COL12A1: variants seen among roughly 807,000 people sequenced by gnomAD.
COL12A1 encodes the protein collagen alpha-1(XII) chain.
A neutral mutation model predicts 349.7 loss-of-function variants in COL12A1; 114 were observed. That is an observed-to-expected ratio of 0.33 (90% CI 0.28 to 0.38). The LOEUF (loss-of-function observed/expected upper bound fraction) is 0.38, where lower values mean the gene tolerates loss of function less well. COL12A1 is among the 10% of genes least tolerant of loss of function. COL12A1 has a pLI of 1.00. For synonymous variants in COL12A1, 1,369 were observed against 1,329.0 expected (o/e 1.03, Z -0.66); for missense variants, 3,284 against 3,756.9 (o/e 0.87, Z 3.29).
chr6:75,094,837 T>C (rs1767930519), intron 60 of COL12A1, among the ~76,000 whole-genome samples: 2 of 152,218 alleles, frequency 1.3e-5, no homozygotes, highest in Admixed American at 6.5e-5. Flanking sequence ...TGAGTGTTTA[T>C]ACAGCGCAGA....
intron 6 of COL12A1, 42 bp from the exon 7 acceptor site, chr6:75,189,423 A>C: frequency 6.3e-7 from 1 of 1,589,446 alleles, no homozygotes; most frequent in Non-Finnish European, 8.5e-7. Flanking sequence ...TGTACTACAC[A>C]ATTTTTCCAA....
At chr6:75,105,959 A>G (rs1023309207) in intron 53 of COL12A1, among the ~76,000 whole-genome samples, 14 of 152,182 alleles carry the variant, frequency 9.2e-5, no homozygotes, top group Non-Finnish European at 7.3e-5. Context: ...GCTGGCCAAA[A>G]GCTTCAAATC....
At chr6:75,106,936 CTG>C (rs1490169274) in intron 52 of COL12A1, among the ~76,000 whole-genome samples, 32 of 129,762 alleles carry the variant, frequency 2.5e-4, no homozygotes, top group Admixed American at 8.9e-4. Context: ...GAGTCCCACT[CTG>C]TTGCCCAGGT....
chr6:75,116,832 T>C (rs1769107648), intron 47 of COL12A1, among the ~76,000 whole-genome samples: 1 of 152,150 alleles, frequency 6.6e-6, no homozygotes, highest in African/African-American at 2.4e-5. Flanking sequence ...CTCCATAACC[T>C]ATACCCCAAG....
At chr6:75,188,318 A>G (rs1769739537) in intron 8 of COL12A1, 44 bp downstream of exon 8, 1 of 1,549,336 alleles carries the variant, frequency 6.5e-7, no homozygotes, top group African/African-American at 1.4e-5. Context: ...TACTCAAACA[A>G]TGGAAAAGAC....
At chr6:75,125,510 G>T (rs1267008009) in intron 39 of COL12A1, among the ~76,000 whole-genome samples, 1 of 152,090 alleles carries the variant, frequency 6.6e-6, no homozygotes, top group Non-Finnish European at 1.5e-5. Context: ...AATATAGTAG[G>T]TATATAATCA....
At chr6:75,143,120 A>G (rs1766995377) in intron 26 of COL12A1, 132 bp downstream of exon 26, 1 of 1,018,556 alleles carries the variant, frequency 9.8e-7, no homozygotes, top group African/African-American at 1.6e-5. Context: ...TATTAATATC[A>G]CAAGTTTTCA....
rs771717015 is a variant in COL12A1 at position 75,138,551 on chromosome 6, C to T, written c.5127G>A (p.Leu1709=). The T allele has an allele frequency of 1.2e-6, 2 of 1,613,836 alleles. No homozygotes were observed. Among genetic ancestry groups the T allele is most frequent in the Non-Finnish European group, 1.7e-6 (2 of 1,179,900 alleles). The change falls in exon 29 of 66, where the codon TTG becomes TTA. Residue 1709 remains leucine, a synonymous_variant. Coordinates refer to ENST00000322507, the MANE Select transcript of COL12A1 (RefSeq NM_004370.6). ...ETILNGDENT[L]VFENLNPNTI... ...TGTTGGGGTTCAGGTTTTCGAACAC[C>T]AAAGTGTTTTCATCTCCATTTAAGA...
At chr6:75,156,219 C>A (rs1167194275) in intron 15 of COL12A1, 38 bp downstream of exon 15, 1 of 1,389,504 alleles carries the variant, frequency 7.2e-7, no homozygotes, top group African/African-American at 1.4e-5. Flanking sequence ...TAAAACATTA[C>A]CTTCTCTCCC....
At chr6:75,136,112 G>A (rs1003133566) in intron 31 of COL12A1, among the ~76,000 whole-genome samples, 1 of 152,108 alleles carries the variant, frequency 6.6e-6, no homozygotes, top group Non-Finnish European at 1.5e-5. Flanking sequence ...AGAGACTTAG[G>A]AGAAGCAGCT....
chr6:75,176,412 T>C (rs1298384229), intron 12 of COL12A1, among the ~76,000 whole-genome samples: 13 of 118,156 alleles, frequency 1.1e-4, no homozygotes, highest in African/African-American at 3.7e-4. Flanking sequence ...AGTGATGCAG[T>C]GGGAGGAGGG....
intron 12 of COL12A1, 152 bp downstream of exon 12, chr6:75,177,511 A>G (rs528186457): frequency 1.2e-6 from 1 of 806,140 alleles, no homozygotes; most frequent in East Asian, 2.9e-5. Flanking sequence ...TAAAAAAAAA[A>G]TTTTAACTTA....
chr6:75,126,507 A>C, intron 38 of COL12A1, 37 bp from the exon 39 acceptor site: 1 of 1,592,066 alleles, frequency 6.3e-7, no homozygotes, highest in Non-Finnish European at 8.6e-7. Flanking sequence ...CTGACCTTTT[A>C]TTGGCACACA....
At position 75,193,819 on chromosome 6, in the gene COL12A1, A is replaced by T. The variant is rs142630846; in HGVS notation, c.190+1012T>A. Among the ~76,000 whole-genome samples, 432 of 151,358 alleles carry T rather than the reference A, an allele frequency of 2.9e-3. 1 individual carries two copies. Among genetic ancestry groups the T allele is most frequent in the Non-Finnish European group, 4.5e-3 (303 of 67,956 alleles). On this transcript the variant is annotated intron_variant, in intron 3 of 65. Coordinates refer to ENST00000322507, the MANE Select transcript of COL12A1 (RefSeq NM_004370.6). The stretch of plus-strand genomic sequence containing the variant: ...TCAATTCCCACCTATGAGTGAGAAC[A>T]TGCGGTGTTTGGTTTTTTGTCTTTG...
intron 11 of COL12A1, among the ~76,000 whole-genome samples, chr6:75,178,928 G>A (rs1298429702): frequency 2.6e-5 from 4 of 152,142 alleles, no homozygotes; most frequent in African/African-American, 9.7e-5. Context: ...GTATTGGAAG[G>A]AAAAAGATTA....
rs1483048137 is a variant in COL12A1, at chr6:75,192,289, G to T, written c.257C>A (p.Pro86His). Residue 86 changes from proline (P) to histidine (H), a missense_variant, in exon 4 of 66, where the codon CCT (proline) becomes CAT (histidine). By Grantham distance (77) the Pro-to-His change is moderately conservative. Transcript: ENST00000322507. ...TATTGTCACCACATACTCTGTTTCAGGTACAAGTTCTGACAATAAAGTTTC... is the reference window on the plus strand; with the variant it reads ...TATTGTCACCACATACTCTGTTTCATGTACAAGTTCTGACAATAAAGTTTC... ...TTETLLSELV[P>H]ETEYVVTITS... 1.2e-6 allele frequency: 2 copies of T among 1,611,324 alleles called. No individual in the cohort carries two copies. Among genetic ancestry groups the T allele is most frequent in the Non-Finnish European group, 1.7e-6 (2 of 1,178,296 alleles).
intron 31 of COL12A1, among the ~76,000 whole-genome samples, chr6:75,135,552 T>A (rs866222423): frequency 1.3e-5 from 2 of 152,232 alleles, no homozygotes; most frequent in Admixed American, 6.5e-5. Context: ...TTGTACAATT[T>A]ATTAACAGTC....
chr6:75,179,542 CAA>C (rs58457506), intron 11 of COL12A1, among the ~76,000 whole-genome samples: 10 of 111,992 alleles, frequency 8.9e-5, no homozygotes, highest in Non-Finnish European at 6.0e-5. Context: ...CTAAACCATG[CAA>C]AAAAAAAAAA....
intron 23 of COL12A1, among the ~76,000 whole-genome samples, chr6:75,146,958 T>C (rs927749010): frequency 2.0e-5 from 3 of 152,226 alleles, no homozygotes; most frequent in African/African-American, 7.2e-5. Flanking sequence ...TGATGCGCAC[T>C]CCTTCTTCTT....
Sources: allele counts gnomAD v4.1 joint callset (sites outside exome capture counted in the v4.1 genomes callset), GRCh38; gene constraint gnomAD v4.1.1; transcripts MANE v1.5; gene names NCBI Gene and HGNC (gene_info 2026-07-23, HGNC 2026-07-21).